DCC: variants seen among roughly 807,000 people sequenced by gnomAD.
DCC encodes netrin receptor DCC.
In DCC, 58 loss-of-function variants were observed where a neutral mutation model predicts 172.5. The ratio of observed to expected loss-of-function variants is 0.34; its 90% CI spans 0.27 to 0.42. The LOEUF (loss-of-function observed/expected upper bound fraction) is 0.42. Among genes scored for constraint, DCC ranks in the 10% least tolerant of loss-of-function variants. DCC has a pLI of 1.00. For missense variants in DCC, 1,740 were observed against 1,791.0 expected, an observed-to-expected ratio of 0.97 and a Z score of 0.51; for synonymous variants, 709 against 644.5, an observed-to-expected ratio of 1.10 and a Z score of -1.52.
At chr18:53,056,231 A>T (rs1277003110) in intron 5 of DCC, among the ~76,000 whole-genome samples, 1 of 152,136 alleles carries the variant, frequency 6.6e-6, no homozygotes, top group Non-Finnish European at 1.5e-5. Flanking sequence ...ACAAAGCGGC[A>T]GGAGACAGGA....
chr18:53,487,035 G>T, intron 26 of DCC, 77 bp downstream of exon 26: 1 of 1,582,378 alleles, frequency 6.3e-7, no homozygotes, highest in South Asian at 1.1e-5. Flanking sequence ...GTTGCATTCT[G>T]ACCTTATCCC....
chr18:53,257,524 G>A (rs2056535912), intron 12 of DCC, among the ~76,000 whole-genome samples: 1 of 152,172 alleles, frequency 6.6e-6, no homozygotes, highest in African/African-American at 2.4e-5. Flanking sequence ...TTATTGATTT[G>A]CGTGTGTTGA....
At chr18:52,894,461 A>G (rs2145426962) in intron 2 of DCC, among the ~76,000 whole-genome samples, 1 of 149,986 alleles carries the variant, frequency 6.7e-6, no homozygotes, top group South Asian at 2.1e-4. Flanking sequence ...TTATTTTTAT[A>G]TATTAATATA....
chr18:52,497,273 A>T (rs1598864922), intron 1 of DCC, among the ~76,000 whole-genome samples: 8 of 86,478 alleles, frequency 9.3e-5, no homozygotes, highest in Admixed American at 1.4e-4. Context: ...AAAAAAAAAA[A>T]AAAAAAAATA....
At chr18:52,342,844 G>A (rs72914960) in intron 1 of DCC, among the ~76,000 whole-genome samples, 1 of 150,820 alleles carries the variant, frequency 6.6e-6, no homozygotes, top group African/African-American at 2.5e-5. Context: ...ATTTATGTGC[G>A]TTTTATTAAT....
intron 1 of DCC, among the ~76,000 whole-genome samples, chr18:52,483,739 A>T (rs773810364): frequency 2.0e-5 from 3 of 152,016 alleles, no homozygotes; most frequent in African/African-American, 7.2e-5. Context: ...TGGGTTTCTC[A>T]ATCTGGAAAA....
At chr18:53,107,153 A>C (rs1166687204) in intron 7 of DCC, among the ~76,000 whole-genome samples, 1 of 151,772 alleles carries the variant, frequency 6.6e-6, no homozygotes, top group African/African-American at 2.4e-5. Flanking sequence ...CATTTTACCC[A>C]GCCCCTATTC....
intron 15 of DCC, among the ~76,000 whole-genome samples, chr18:53,359,407 CCTTCT>C (rs1389327446): frequency 6.6e-6 from 1 of 152,018 alleles, no homozygotes; most frequent in Non-Finnish European, 1.5e-5. Flanking sequence ...TTTGTTTTAG[CCTTCT>C]CTTCTCATTT....
intron 1 of DCC, among the ~76,000 whole-genome samples, chr18:52,562,486 AT>A (rs2033062248): frequency 6.6e-6 from 1 of 152,144 alleles, no homozygotes; most frequent in Non-Finnish European, 1.5e-5. Flanking sequence ...AGTTTGTTTA[AT>A]ATTTAATTTA....
At chr18:52,775,181 G>T (rs2037407467) in intron 2 of DCC, among the ~76,000 whole-genome samples, 1 of 152,130 alleles carries the variant, frequency 6.6e-6, no homozygotes, top group African/African-American at 2.4e-5. Context: ...CCCTCGCAGG[G>T]TGTGTGACAT....
At chr18:52,755,441 G>A (rs183440217) in intron 2 of DCC, among the ~76,000 whole-genome samples, 14 of 152,262 alleles carry the variant, frequency 9.2e-5, no homozygotes, top group South Asian at 4.1e-4. Context: ...ATAGGCACAC[G>A]GATTCAGTCA....
At chr18:52,949,770 T>C (rs1474247436) in intron 5 of DCC, among the ~76,000 whole-genome samples, 1 of 152,210 alleles carries the variant, frequency 6.6e-6, no homozygotes, top group Non-Finnish European at 1.5e-5. Flanking sequence ...TATAACATCT[T>C]GGTGATAATA....
At chr18:52,475,285 C>G (rs542073229) in intron 1 of DCC, among the ~76,000 whole-genome samples, 2 of 152,252 alleles carry the variant, frequency 1.3e-5, no homozygotes, top group African/African-American at 4.8e-5. Flanking sequence ...TAGGCACTGT[C>G]AGGGTGAAGC....
chr18:52,907,094 A>G (rs183541042), intron 3 of DCC, among the ~76,000 whole-genome samples: 1 of 151,660 alleles, frequency 6.6e-6, no homozygotes, highest in Non-Finnish European at 1.5e-5. Context: ...ATTTATTCCC[A>G]GCACATACAT....
chr18:52,666,591 A>G (rs1201074700), intron 1 of DCC, among the ~76,000 whole-genome samples: 1 of 152,214 alleles, frequency 6.6e-6, no homozygotes, highest in African/African-American at 2.4e-5. Flanking sequence ...AATAAATGGT[A>G]CCATTTAAAA....
At chr18:53,113,229 A>C (rs1280756654) in intron 7 of DCC, among the ~76,000 whole-genome samples, 1 of 151,570 alleles carries the variant, frequency 6.6e-6, no homozygotes, top group African/African-American at 2.4e-5. Flanking sequence ...TATGGGATGA[A>C]AATTCAGTGA....
At chr18:53,435,324 G>A in intron 22 of DCC, 115 bp downstream of exon 22, 1 of 702,920 alleles carries the variant, frequency 1.4e-6, no homozygotes, top group Non-Finnish European at 2.5e-6. Context: ...TGGATTTAGT[G>A]TCTTAGTGGG....
chr18:52,386,380 G>T (rs1985799971), intron 1 of DCC, among the ~76,000 whole-genome samples: 1 of 152,022 alleles, frequency 6.6e-6, no homozygotes, highest in Non-Finnish European at 1.5e-5. Context: ...TTTAAACCTT[G>T]TGATGAAATG....
chr18:53,334,082 C>T (rs758228339), intron 14 of DCC, among the ~76,000 whole-genome samples: 3 of 152,206 alleles, frequency 2.0e-5, no homozygotes, highest in Non-Finnish European at 4.4e-5. Flanking sequence ...CTGTTAACTA[C>T]ACATTACAAA....
Sources: gnomAD v4.1 joint callset for allele counts (sites outside exome capture counted in the v4.1 genomes callset) on GRCh38, gnomAD v4.1.1 for gene constraint, MANE v1.5 for transcripts, NCBI Gene and HGNC (gene_info 2026-07-23, HGNC 2026-07-21) for gene names.